Variants in CCDC148 observed in about 807,000 individuals in gnomAD.
The protein encoded by CCDC148 is coiled-coil domain-containing protein 148.
CCDC148 carries 89 observed loss-of-function variants against 85.7 expected under a neutral mutation model. That is an observed-to-expected ratio of 1.04 (90% CI 0.87 to 1.24). The LOEUF (loss-of-function observed/expected upper bound fraction) is 1.24. CCDC148 is among the 50% of genes most tolerant of loss of function. The pLI, the probability that CCDC148 is intolerant of heterozygous loss-of-function variation, is 0.00. For missense variants in CCDC148, 692 were observed against 671.7 expected (o/e 1.03, Z -0.33); for synonymous variants, 230 against 213.9 (o/e 1.08, Z -0.66).
intron 8 of CCDC148, among the ~76,000 whole-genome samples, chr2:158,311,000 G>A (rs922325758): frequency 2.0e-5 from 3 of 151,948 alleles, no homozygotes; most frequent in Non-Finnish European, 2.9e-5. Flanking sequence ...CTGGGCGGCC[G>A]GGCAGAGGGG....
intron 9 of CCDC148, among the ~76,000 whole-genome samples, chr2:158,301,989 G>C (rs1232756878): frequency 1.3e-5 from 2 of 152,164 alleles, no homozygotes; most frequent in Non-Finnish European, 1.5e-5. Context: ...ATAGTCTTTT[G>C]ACTTAGTCAT....
chr2:158,261,569 A>G (rs1318869148), intron 9 of CCDC148, among the ~76,000 whole-genome samples: 1 of 152,152 alleles, frequency 6.6e-6, no homozygotes, highest in African/African-American at 2.4e-5. Context: ...AACTATCAAC[A>G]GAGTAAAAAG....
intron 1 of CCDC148, among the ~76,000 whole-genome samples, chr2:158,414,537 A>C (rs1330192403): frequency 6.6e-6 from 1 of 151,940 alleles, no homozygotes; most frequent in Non-Finnish European, 1.5e-5. Context: ...CATATGTAAC[A>C]AACCTGCACG....
intron 12 of CCDC148, 97 bp downstream of exon 12, chr2:158,178,782 A>G: frequency 1.3e-6 from 1 of 798,430 alleles, no homozygotes; most frequent in Admixed American, 2.2e-5. Flanking sequence ...TATATAGCAG[A>G]TGTCATGAAC....
chr2:158,387,363 T>C (rs542996239), intron 1 of CCDC148, among the ~76,000 whole-genome samples: 3 of 151,920 alleles, frequency 2.0e-5, no homozygotes, highest in Non-Finnish European at 4.4e-5. Flanking sequence ...CAGTGTAGGG[T>C]TCATTATAGT....
In CCDC148 at chr2:158,227,665, C is replaced by T. The variant is rs531368485; in HGVS notation, c.1252-6952G>A. On this transcript the variant is annotated intron_variant, in intron 10 of 13. Transcript: ENST00000283233. ...AGAAATAATGCCGCATATCTACAACCATCTGATCTTTGACAAACCTGACAA... is the reference window on the plus strand; with the variant it reads ...AGAAATAATGCCGCATATCTACAACTATCTGATCTTTGACAAACCTGACAA... 1.4e-4 allele frequency among the ~76,000 whole-genome samples: 21 copies of T among 152,258 alleles called. No homozygotes were observed. In the East Asian group the frequency reaches 2.1e-3, roughly 15 times the overall value.
intron 11 of CCDC148, among the ~76,000 whole-genome samples, chr2:158,207,132 A>T (rs1686290445): frequency 1.3e-5 from 2 of 152,222 alleles, no homozygotes; most frequent in Admixed American, 6.5e-5. Context: ...GTGTATCCAT[A>T]GTATCGCACA....
At chr2:158,224,198 G>A (rs1313981773) in intron 10 of CCDC148, among the ~76,000 whole-genome samples, 1 of 152,122 alleles carries the variant, frequency 6.6e-6, no homozygotes, top group African/African-American at 2.4e-5. Flanking sequence ...CCGATCAACT[G>A]GAAGAAAGGG....
chr2:158,348,359 A>T (rs1365214898), intron 2 of CCDC148, among the ~76,000 whole-genome samples: 1 of 152,006 alleles, frequency 6.6e-6, no homozygotes, highest in Non-Finnish European at 1.5e-5. Context: ...AATCTGCCCA[A>T]TTCAGACTAT....
In CCDC148 at chr2:158,293,607, T is replaced by C. The variant is rs145117131; in HGVS notation, c.1110+15826A>G. On this transcript the variant is annotated intron_variant, in intron 9 of 13. Coordinates refer to ENST00000283233, the MANE Select transcript of CCDC148 (RefSeq NM_138803.4). Reference sequence around the variant, plus strand: ...TTTCCCTGAAACAATATCATAGACTTAGCCCTCCAGGAGAACTATGCTGAT... The same window carrying C: ...TTTCCCTGAAACAATATCATAGACTCAGCCCTCCAGGAGAACTATGCTGAT... Among the ~76,000 whole-genome samples the C allele has an allele frequency of 2.8e-3, 430 of 152,268 alleles. 3 individuals are homozygous for C. Among genetic ancestry groups the C allele is most frequent in the African/African-American group, 9.7e-3 (401 of 41,536 alleles).
intron 11 of CCDC148, among the ~76,000 whole-genome samples, chr2:158,218,896 C>G (rs1687027447): frequency 6.6e-6 from 1 of 152,186 alleles, no homozygotes; most frequent in Non-Finnish European, 1.5e-5. Flanking sequence ...AAATCCTGAG[C>G]TACCTGGGAA....
chr2:158,398,191 C>T (rs776046933), intron 1 of CCDC148, among the ~76,000 whole-genome samples: 2 of 152,068 alleles, frequency 1.3e-5, no homozygotes, highest in Non-Finnish European at 2.9e-5. Flanking sequence ...GACTTTAACA[C>T]CCCACTCTCA....
At chr2:158,308,884 AC>A (rs750835299) in intron 9 of CCDC148, among the ~76,000 whole-genome samples, 2 of 152,132 alleles carry the variant, frequency 1.3e-5, no homozygotes, top group South Asian at 4.1e-4. Flanking sequence ...AGGGTTACCT[AC>A]CAACTCCCCA....
At chr2:158,439,518 C>T (rs1190204045) in intron 1 of CCDC148, among the ~76,000 whole-genome samples, 1 of 151,784 alleles carries the variant, frequency 6.6e-6, no homozygotes, top group Non-Finnish European at 1.5e-5. Flanking sequence ...GGAGATATAC[C>T]TAATGTAAAT....
At chr2:158,261,251 G>A (rs181637573) in intron 9 of CCDC148, among the ~76,000 whole-genome samples, 10 of 151,842 alleles carry the variant, frequency 6.6e-5, no homozygotes, top group African/African-American at 2.2e-4. Context: ...CAAAGCCAAC[G>A]AAAACAAGTA....
chr2:158,398,915 T>C (rs1231022383), intron 1 of CCDC148, among the ~76,000 whole-genome samples: 2 of 151,786 alleles, frequency 1.3e-5, no homozygotes, highest in African/African-American at 2.4e-5. Flanking sequence ...AATAATCAAA[T>C]AGACACAACA....
At position 158,306,050 on chromosome 2, in the gene CCDC148, G is replaced by A. The variant is rs150030871; in HGVS notation, c.1110+3383C>T. On this transcript the variant is annotated intron_variant, in intron 9 of 13. Transcript: ENST00000283233. The stretch of plus-strand genomic sequence containing the variant: ...GTTACACTTACATGACCTTCTAGAA[G>A]AGGCAAAACTATAGGGATAGAGAAC... Among the ~76,000 whole-genome samples the A allele has an allele frequency of 2.8e-3, 431 of 152,284 alleles. 3 individuals are homozygous for A. The highest frequency in any genetic ancestry group is 9.7e-3 in the African/African-American group (402 of 41,528).
intron 9 of CCDC148, among the ~76,000 whole-genome samples, chr2:158,290,610 T>A (rs1336635835): frequency 1.3e-5 from 2 of 152,198 alleles, no homozygotes; most frequent in Non-Finnish European, 2.9e-5. Context: ...ATCATTTCCC[T>A]CCTTCCCCAC....
intron 1 of CCDC148, among the ~76,000 whole-genome samples, chr2:158,383,830 T>A (rs780821897): frequency 1.3e-5 from 2 of 152,188 alleles, no homozygotes; most frequent in Non-Finnish European, 2.9e-5. Flanking sequence ...CAACTGATCC[T>A]CAGATCTCAT....
Sources: allele counts gnomAD v4.1 joint callset (sites outside exome capture counted in the v4.1 genomes callset), GRCh38; gene constraint gnomAD v4.1.1; transcripts MANE v1.5; gene names NCBI Gene and HGNC (gene_info 2026-07-23, HGNC 2026-07-21).